Variants in FAM47E observed in about 807,000 individuals in gnomAD.
FAM47E encodes protein FAM47E.
In FAM47E, 32 loss-of-function variants were observed where a neutral mutation model predicts 41.6. That is an observed-to-expected ratio of 0.77 (90% CI 0.58 to 1.03). The LOEUF (loss-of-function observed/expected upper bound fraction) is 1.03. Ranked by LOEUF, FAM47E falls within the 50% of genes least tolerant of loss-of-function variation. FAM47E has a pLI of 0.00. For missense variants in FAM47E, 424 were observed against 485.4 expected, an observed-to-expected ratio of 0.87 and a Z score of 1.19; for synonymous variants, 184 against 188.7, an observed-to-expected ratio of 0.98 and a Z score of 0.20.
chr4:76,227,543 T>C (rs1265743931), intron 2 of FAM47E, among the ~76,000 whole-genome samples: 2 of 152,200 alleles, frequency 1.3e-5, no homozygotes, highest in African/African-American at 4.8e-5. Flanking sequence ...TCTGTAAATA[T>C]CTATCTGGGG....
intron 5 of FAM47E, among the ~76,000 whole-genome samples, chr4:76,273,762 G>A (rs1034204050): frequency 9.9e-5 from 15 of 151,920 alleles, no homozygotes; most frequent in South Asian, 6.2e-4. Flanking sequence ...TAATTAGGCC[G>A]CTTGAAGTTG....
chr4:76,217,900 C>G (rs762485194), intron 2 of FAM47E, among the ~76,000 whole-genome samples: 1 of 152,162 alleles, frequency 6.6e-6, no homozygotes, highest in African/African-American at 2.4e-5. Context: ...TAAGGGCTAT[C>G]GAGGGGAAGC....
At chr4:76,251,441 T>C (rs1578770287), upstream of FAM47E, among the ~76,000 whole-genome samples, 1 of 152,158 alleles carries the variant, frequency 6.6e-6, no homozygotes, top group South Asian at 2.1e-4. Flanking sequence ...TAAACGTTTT[T>C]TGAAACGATG....
chr4:76,280,902 C>T (rs549940421), intron 7 of FAM47E: 11 of 152,764 alleles, frequency 7.2e-5, no homozygotes, highest in African/African-American at 2.6e-4. Flanking sequence ...GGTTTCCCCT[C>T]ACTAACTTGT....
intron 2 of FAM47E, among the ~76,000 whole-genome samples, chr4:76,226,168 G>A (rs1450050196): frequency 1.3e-5 from 2 of 152,116 alleles, no homozygotes; most frequent in Non-Finnish European, 2.9e-5. Context: ...GGGAGCCAAC[G>A]CTAGTATGGA....
At chr4:76,259,690 T>A (rs1734327609) in intron 2 of FAM47E, among the ~76,000 whole-genome samples, 2 of 152,064 alleles carry the variant, frequency 1.3e-5, no homozygotes, top group South Asian at 2.1e-4. Context: ...TCAATAAAAA[T>A]TTTTTTTCAT....
rs1734749512 is a variant in FAM47E, at chr4:76,268,742, G to T, written c.643G>T (p.Gly215Cys). 1 of 1,551,514 alleles carries T rather than the reference G, an allele frequency of 6.4e-7. No homozygotes were observed. Among genetic ancestry groups the T allele is most frequent in the Admixed American group, 2.0e-5 (1 of 50,984 alleles). Residue 215 changes from glycine to cysteine, a missense_variant, in exon 4 of 8, where the codon GGT (glycine) becomes TGT (cysteine). Physicochemically the swap from Gly to Cys is radical, Grantham distance 159 (BLOSUM62 -3). Coordinates refer to ENST00000424749, the MANE Select transcript of FAM47E (RefSeq NM_001136570.3). ...TAAAATGGATTTGCTCCATGAAAAT[G>T]GTCCTCGTCCTGGTCTTCATGAAAA... is the stretch of plus-strand genomic sequence containing the variant. ...PHKMDLLHENGPRPGLHENGI... is the reference protein window; with the variant it reads ...PHKMDLLHENCPRPGLHENGI...
chr4:76,243,244 G>C (rs1733748556), intron 2 of FAM47E, among the ~76,000 whole-genome samples: 1 of 152,162 alleles, frequency 6.6e-6, no homozygotes, highest in Non-Finnish European at 1.5e-5. Flanking sequence ...TAGTAGCCTG[G>C]ACTGACTAAA....
At chr4:76,258,698 C>T (rs550106598) in intron 2 of FAM47E, among the ~76,000 whole-genome samples, 1 of 152,284 alleles carries the variant, frequency 6.6e-6, no homozygotes, top group Admixed American at 6.5e-5. Context: ...ATGTTGAGAT[C>T]CCCAAAGTCT....
upstream of FAM47E, among the ~76,000 whole-genome samples, chr4:76,248,204 G>T (rs12331338): frequency 4.0e-5 from 6 of 151,794 alleles, no homozygotes; most frequent in African/African-American, 1.2e-4. Flanking sequence ...GTGAGCCACC[G>T]CGCCTGGCCT....
chr4:76,263,075 C>T (rs1734487073), intron 2 of FAM47E, among the ~76,000 whole-genome samples: 2 of 151,982 alleles, frequency 1.3e-5, no homozygotes, highest in Non-Finnish European at 2.9e-5. Context: ...CCCCATTGTG[C>T]TTTTTGATTG....
chr4:76,271,638 A>G lies in FAM47E; in HGVS notation c.740A>G (p.His247Arg), dbSNP rs1734894468. The G allele has an allele frequency of 1.9e-6, 3 of 1,552,260 alleles. No homozygotes were observed. The highest frequency in any genetic ancestry group is 1.7e-6 in the Non-Finnish European group (2 of 1,147,110). Reference protein sequence around the residue: ...FDIDYETKPSHDALHTMKLNQ... With the variant: ...FDIDYETKPSRDALHTMKLNQ... The stretch of plus-strand genomic sequence containing the variant: ...ATTGACTATGAGACCAAACCAAGCC[A>G]TGATGCGCTCCACACGATGAAGCTA... The change falls in exon 5 of 8, where the codon CAT becomes CGT. Residue 247 changes from histidine (H) to arginine (R), a missense_variant. Coordinates refer to ENST00000424749, the MANE Select transcript of FAM47E (RefSeq NM_001136570.3).
At chr4:76,229,978 TG>T (rs1733465485) in intron 2 of FAM47E, among the ~76,000 whole-genome samples, 1 of 152,092 alleles carries the variant, frequency 6.6e-6, no homozygotes, top group Non-Finnish European at 1.5e-5. Flanking sequence ...AGCCAGGAGG[TG>T]GTGCTTTCAA....
intron 1 of FAM47E, among the ~76,000 whole-genome samples, chr4:76,214,817 A>C (rs1185571591): frequency 6.6e-6 from 1 of 152,232 alleles, no homozygotes; most frequent in Non-Finnish European, 1.5e-5. Context: ...AGTCCTCCAG[A>C]AACAGTCCCA....
chr4:76,245,322 G>A (rs1355544348), intron 2 of FAM47E, among the ~76,000 whole-genome samples: 1 of 152,112 alleles, frequency 6.6e-6, no homozygotes, highest in Non-Finnish European at 1.5e-5. Flanking sequence ...AGGGGACATA[G>A]GTAATCTAGA....
chr4:76,217,054 A>G (rs1051913161), intron 1 of FAM47E, among the ~76,000 whole-genome samples: 9 of 152,110 alleles, frequency 5.9e-5, no homozygotes, highest in South Asian at 4.2e-4. Context: ...AAGTTTCTCA[A>G]TGCCCTTTGG....
intron 2 of FAM47E, among the ~76,000 whole-genome samples, chr4:76,237,389 G>A (rs1239077200): frequency 7.1e-6 from 1 of 140,632 alleles, no homozygotes; most frequent in Non-Finnish European, 1.5e-5. Context: ...TTTTTTTTTG[G>A]TTTACAAGGT....
chr4:76,237,180 C>G (rs113272973), intron 2 of FAM47E, among the ~76,000 whole-genome samples: 1,930 of 152,020 alleles, frequency 0.013, 42 homozygotes, highest in African/African-American at 0.044. Context: ...CAGGTGTGAG[C>G]CACCGCGCCT....
At chr4:76,217,149 CTA>C (rs1429653174) in intron 1 of FAM47E, among the ~76,000 whole-genome samples, 1 of 152,238 alleles carries the variant, frequency 6.6e-6, no homozygotes, top group Non-Finnish European at 1.5e-5. Context: ...TCATCTCACC[CTA>C]TGAGAGACTT....
Sources: gnomAD v4.1 joint callset for allele counts (sites outside exome capture counted in the v4.1 genomes callset) on GRCh38, gnomAD v4.1.1 for gene constraint, MANE v1.5 for transcripts, NCBI Gene and HGNC (gene_info 2026-07-23, HGNC 2026-07-21) for gene names.